ADCYAP1R1: variants seen among roughly 807,000 people sequenced by gnomAD.
ADCYAP1R1 encodes the protein ADCYAP receptor type I, also known as pituitary adenylate cyclase-activating polypeptide type I receptor.
Under a neutral mutation model 67.6 loss-of-function variants are expected in ADCYAP1R1, and 44 were observed. The ratio of observed to expected loss-of-function variants is 0.65; its 90% CI spans 0.51 to 0.84. ADCYAP1R1 has a LOEUF of 0.84. Among genes scored for constraint, ADCYAP1R1 ranks in the 40% least tolerant of loss-of-function variants. ADCYAP1R1 has a pLI of 0.00. For missense variants in ADCYAP1R1, 477 were observed against 587.9 expected (o/e 0.81, Z 1.95); for synonymous variants, 222 against 219.6 (o/e 1.01, Z -0.10).
Position 31,106,662 on chromosome 7 carries a change from C to T in ADCYAP1R1, c.1385C>T (p.Pro462Leu), listed in dbSNP as rs1562661941. The change falls in exon 16 of 16, where the codon CCT (proline) becomes CTT (leucine). Residue 462 changes from proline (P) to leucine (L), a missense_variant. Pro to Leu is a moderately conservative substitution (Grantham distance 98, BLOSUM62 -3). Transcript: ENST00000304166. The stretch of plus-strand genomic sequence containing the variant: ...TCCCAAATCCGCATGTCTGGCCTCC[C>T]TGCTGACAATCTGGCCACCTGAGCC... ...SSSQIRMSGL[P>L]ADNLAT 1.2e-6 allele frequency: 2 copies of T among 1,610,646 alleles called. No homozygotes were observed. Among genetic ancestry groups the T allele is most frequent in the East Asian group, 2.2e-5 (1 of 44,644 alleles).
At chr7:31,097,005 G>A (rs1158355734) in intron 13 of ADCYAP1R1, among the ~76,000 whole-genome samples, 1 of 152,228 alleles carries the variant, frequency 6.6e-6, no homozygotes, top group African/African-American at 2.4e-5. Context: ...CCACAGCTGC[G>A]GAAGCATTTC....
At chr7:31,074,517 G>C (rs989670922) in intron 3 of ADCYAP1R1, among the ~76,000 whole-genome samples, 2 of 152,116 alleles carry the variant, frequency 1.3e-5, no homozygotes, top group Admixed American at 1.3e-4. Context: ...CTGCTCATTC[G>C]CTCTGAAGTG....
At chr7:31,061,255 C>T (rs1043514680) in intron 1 of ADCYAP1R1, among the ~76,000 whole-genome samples, 3 of 152,234 alleles carry the variant, frequency 2.0e-5, no homozygotes, top group African/African-American at 7.2e-5. Context: ...GAGAGATGGC[C>T]TCCAGCCTCT....
In ADCYAP1R1 at chr7:31,063,252, G is replaced by C. The variant is rs2128616709; in HGVS notation, c.-13G>C. 1 of 1,614,176 alleles carries C rather than the reference G, an allele frequency of 6.2e-7. No individual in the cohort carries two copies. The highest frequency in any genetic ancestry group is 2.2e-5 in the East Asian group (1 of 44,876). ...TGTCAGTGGGAGGCCAGTGGTGCTG[G>C]CCAAGAAGTGTCATGGCTGGTGTCG... On this transcript the variant is annotated 5_prime_UTR_variant, in exon 2 of 16. Coordinates refer to ENST00000304166, the MANE Select transcript of ADCYAP1R1 (RefSeq NM_001118.5).
intron 3 of ADCYAP1R1, among the ~76,000 whole-genome samples, chr7:31,066,658 C>T (rs1735853320): frequency 6.6e-6 from 1 of 152,136 alleles, no homozygotes; most frequent in Admixed American, 6.5e-5. Flanking sequence ...AAACGTACTC[C>T]AGCCACAATC....
chr7:31,081,561 G>A (rs137974401), intron 5 of ADCYAP1R1, 152 bp from the exon 6 acceptor site: 15 of 552,268 alleles, frequency 2.7e-5, no homozygotes, highest in African/African-American at 3.8e-5. Flanking sequence ...AGAAAGGTGC[G>A]CGGCTGCTAT....
intron 1 of ADCYAP1R1, among the ~76,000 whole-genome samples, chr7:31,053,273 C>T (rs1450643182): frequency 6.6e-6 from 1 of 152,208 alleles, no homozygotes. Flanking sequence ...CTTCGTTTCC[C>T]GTGGCGCGGA....
Position 31,090,491 on chromosome 7 carries a change from G to C in ADCYAP1R1, c.955-2153G>C, listed in dbSNP as rs1014188102. On this transcript the variant is annotated intron_variant, in intron 12 of 15. Coordinates refer to ENST00000304166, the MANE Select transcript of ADCYAP1R1 (RefSeq NM_001118.5). ...CATAGGTATATCACATGATGCTGAA[G>C]TTATGGGTACAATTGATCCCGTCAC... Among the ~76,000 whole-genome samples the C allele has an allele frequency of 2.6e-5, 4 of 152,282 alleles. No homozygotes were observed. The East Asian group carries it at 7.7e-4, about 29-fold the overall frequency.
At chr7:31,053,974 G>A (rs1794135435) in intron 1 of ADCYAP1R1, among the ~76,000 whole-genome samples, 1 of 152,178 alleles carries the variant, frequency 6.6e-6, no homozygotes, top group African/African-American at 2.4e-5. Context: ...CAGCACCCAG[G>A]TTTTCTCAGG....
chr7:31,086,906 T>C lies in ADCYAP1R1; in HGVS notation c.824-37T>C. 1 of 1,611,274 alleles carries C rather than the reference T, an allele frequency of 6.2e-7. No homozygotes were observed. Among genetic ancestry groups the C allele is most frequent in the South Asian group, 1.1e-5 (1 of 91,034 alleles). ...CGGTGGACATTGGACATGTTGGTTT[T>C]CCTGTTCTCACGGACCTCTTTTTCT... On this transcript the variant is annotated intron_variant, in intron 10 of 15. Transcript: ENST00000304166. This position sits in a 1 kb window ranked among gnomAD's most constrained non-coding sequence, Gnocchi z 5.0.
intron 3 of ADCYAP1R1, among the ~76,000 whole-genome samples, chr7:31,066,034 G>A (rs1454617071): frequency 6.6e-6 from 1 of 151,772 alleles, no homozygotes; most frequent in Non-Finnish European, 1.5e-5. Context: ...CCTAACCAAG[G>A]TTGAACGTGG....
intron 12 of ADCYAP1R1, among the ~76,000 whole-genome samples, chr7:31,088,696 C>A (rs1181728571): frequency 1.3e-5 from 2 of 152,234 alleles, no homozygotes; most frequent in East Asian, 1.9e-4. Context: ...TGGTTCCAGA[C>A]TTTCTATTCT....
intron 12 of ADCYAP1R1, among the ~76,000 whole-genome samples, chr7:31,090,087 T>C (rs932719705): frequency 6.6e-6 from 1 of 152,202 alleles, no homozygotes; most frequent in South Asian, 2.1e-4. Flanking sequence ...AAATTACATC[T>C]TTGTTAATGT....
intron 14 of ADCYAP1R1, among the ~76,000 whole-genome samples, chr7:31,103,742 C>T (rs764580984): frequency 4.6e-5 from 7 of 152,178 alleles, no homozygotes; most frequent in Non-Finnish European, 8.8e-5. Context: ...ATCTAGATCC[C>T]CAGCACAGGG....
At chr7:31,092,499 G>A (rs1795998306) in intron 12 of ADCYAP1R1, 145 bp from the exon 13 acceptor site, 1 of 661,248 alleles carries the variant, frequency 1.5e-6, no homozygotes, top group African/African-American at 1.8e-5. Context: ...GGAGGCTGGA[G>A]AGATAAATGG....
At chr7:31,083,078 T>C (rs1356947132) in intron 6 of ADCYAP1R1, among the ~76,000 whole-genome samples, 4 of 152,264 alleles carry the variant, frequency 2.6e-5, no homozygotes, top group Non-Finnish European at 5.9e-5. Flanking sequence ...GTATGGGTAC[T>C]GGAGCCCCTT....
At chr7:31,061,494 G>T (rs374598622) in intron 1 of ADCYAP1R1, among the ~76,000 whole-genome samples, 4 of 152,160 alleles carry the variant, frequency 2.6e-5, no homozygotes, top group African/African-American at 9.7e-5. Flanking sequence ...GTGCCTCAGG[G>T]TGCCTAGAAG....
rs756338128 is a variant in ADCYAP1R1, at chr7:31,095,822, C to A, written c.1046+3087C>A. The A allele has an allele frequency of 1.7e-4, 116 of 698,606 alleles. No individual in the cohort carries two copies. The African/African-American group carries it at 1.8e-3, about 11-fold the overall frequency. The allele number at this position is 698,606 out of a possible 1,614,324, so 43.3% of individuals were successfully genotyped here. On this transcript the variant is annotated intron_variant, in intron 13 of 15. Coordinates refer to ENST00000304166, the MANE Select transcript of ADCYAP1R1 (RefSeq NM_001118.5). ...GACCAAGACGGTATTCCTGGCCCAG[C>A]CTCAGAAGCACCTGATGGGGTCTGG...
rs934382415 is a variant in ADCYAP1R1, at chr7:31,102,557, C to G, written c.1047-680C>G. 1.5e-4 allele frequency among the ~76,000 whole-genome samples: 23 copies of G among 152,322 alleles called. No homozygotes were observed. The highest frequency in any genetic ancestry group is 5.3e-4 in the African/African-American group (22 of 41,578). ...CAGGAAGCACTGCAGTCCTCCGGCC[C>G]TTCCTCCCCTGCCTGGCCCACTTCA... On this transcript the variant is annotated intron_variant, in intron 13 of 15. Transcript: ENST00000304166. The surrounding 1 kb of genome is among the most constrained non-coding windows in gnomAD (Gnocchi z 4.3).
Sources: allele counts gnomAD v4.1 joint callset (sites outside exome capture counted in the v4.1 genomes callset), GRCh38; gene constraint gnomAD v4.1.1; non-coding constraint Gnocchi (gnomAD v3.1); transcripts MANE v1.5; gene names NCBI Gene and HGNC (gene_info 2026-07-23, HGNC 2026-07-21).